MSH3: variants seen among roughly 807,000 people sequenced by gnomAD.
MSH3 encodes the protein DNA mismatch repair protein Msh3.
Under a neutral mutation model 123.3 loss-of-function variants are expected in MSH3, and 106 were observed. The ratio of observed to expected loss-of-function variants is 0.86; its 90% CI spans 0.73 to 1.01. The LOEUF (loss-of-function observed/expected upper bound fraction) is 1.01, where lower values mean the gene tolerates loss of function less well. Among genes scored for constraint, MSH3 ranks in the 50% least tolerant of loss-of-function variants. The pLI is 0.00. For synonymous variants in MSH3, 515 were observed against 481.4 expected (o/e 1.07, Z -0.91); for missense variants, 1,459 against 1,347.6 (o/e 1.08, Z -1.29).
rs1028287532 is a variant in MSH3, at chr5:80,702,079, A to G, written c.1340+22986A>G. ...GTATCAATAATCAATATACATTAATATAAAATTTATTAATATAAATTGACT... is the reference window on the plus strand; with the variant it reads ...GTATCAATAATCAATATACATTAATGTAAAATTTATTAATATAAATTGACT... On this transcript the variant is annotated intron_variant, in intron 8 of 23. Transcript: ENST00000265081. Among the ~76,000 whole-genome samples, 3 of 152,158 alleles carry G rather than the reference A, an allele frequency of 2.0e-5. No individual in the cohort carries two copies. The East Asian group carries it at 5.8e-4, about 29-fold the overall frequency.
At chr5:80,870,306 T>G in intron 22 of MSH3, among the ~76,000 whole-genome samples, 1 of 152,078 alleles carries the variant, frequency 6.6e-6, no homozygotes, top group Non-Finnish European at 1.5e-5. Flanking sequence ...GAATGAATCT[T>G]GTTTAGAAAG....
intron 12 of MSH3, among the ~76,000 whole-genome samples, chr5:80,760,746 G>A (rs764343309): frequency 2.6e-5 from 4 of 152,216 alleles, no homozygotes; most frequent in Non-Finnish European, 4.4e-5. Flanking sequence ...CTGCTCCACT[G>A]TGGGCTCAGG....
At chr5:80,726,211 T>C (rs1267769676) in intron 9 of MSH3, among the ~76,000 whole-genome samples, 1 of 152,212 alleles carries the variant, frequency 6.6e-6, no homozygotes, top group Non-Finnish European at 1.5e-5. Flanking sequence ...GGGTCCATTT[T>C]GTGGATGGTG....
Position 80,875,970 on chromosome 5 carries a change from A to G in MSH3, c.*108A>G, listed in dbSNP as rs1746302556. 4.1e-6 allele frequency: 3 copies of G among 738,702 alleles called. No individual in the cohort carries two copies. The East Asian group carries it at 8.0e-5, about 20-fold the overall frequency. 45.8% of individuals were successfully genotyped at this position (738,702 alleles called of 1,614,324 possible). ...TTGTGTGACATGTGAGCATAAAATT[A>G]TGACCATGGTATATTCCTATTGGAA... On this transcript the variant is annotated 3_prime_UTR_variant, in exon 24 of 24. Transcript: ENST00000265081.
At chr5:80,722,941 C>G (rs1198768949) in intron 8 of MSH3, among the ~76,000 whole-genome samples, 1 of 151,970 alleles carries the variant, frequency 6.6e-6, no homozygotes, top group Non-Finnish European at 1.5e-5. Flanking sequence ...CCTGTATCTA[C>G]TAAAAATACA....
rs1398195482 is a variant in MSH3 at position 80,725,540 on chromosome 5, T to C, written c.1428T>C (p.Tyr476=). 6.2e-7 allele frequency: 1 copy of C among 1,613,578 alleles called. No individual in the cohort carries two copies. Among genetic ancestry groups the C allele is most frequent in the Non-Finnish European group, 8.5e-7 (1 of 1,179,502 alleles). The change falls in exon 9 of 24, where the codon TAT becomes TAC. Residue 476 remains tyrosine, a synonymous_variant. Transcript: ENST00000265081. The stretch of plus-strand genomic sequence containing the variant: ...CTTTCCAGGCAGTTACAGAGTTTTA[T>C]GCAAAAGATACAGTTGACATCAAAG... The part of the protein sequence containing the change: ...SHAFQAVTEF[Y]AKDTVDIKGS...
intron 20 of MSH3, among the ~76,000 whole-genome samples, chr5:80,845,316 C>T (rs1049804586): frequency 3.9e-5 from 6 of 152,336 alleles, no homozygotes; most frequent in South Asian, 2.1e-4. Context: ...GGACCTTTCT[C>T]TCTGACTGCC....
intron 8 of MSH3, among the ~76,000 whole-genome samples, chr5:80,695,149 C>T (rs1750448141): frequency 7.3e-6 from 1 of 136,316 alleles, no homozygotes; most frequent in Non-Finnish European, 1.6e-5. Flanking sequence ...AATGTTAGAT[C>T]TTTTGTTATA....
At chr5:80,826,487 T>G (rs1440492459) in intron 20 of MSH3, among the ~76,000 whole-genome samples, 1 of 152,004 alleles carries the variant, frequency 6.6e-6, no homozygotes, top group Non-Finnish European at 1.5e-5. Context: ...CTATGTGCTA[T>G]ACAGTGTGCA....
At chr5:80,723,327 G>A (rs1185660128) in intron 8 of MSH3, among the ~76,000 whole-genome samples, 1 of 151,988 alleles carries the variant, frequency 6.6e-6, no homozygotes, top group Non-Finnish European at 1.5e-5. Flanking sequence ...AAGACCAGTG[G>A]AACAGCATGG....
rs1749908952 is a variant in MSH3, at chr5:80,679,089, G to C, written c.1336G>C (p.Val446Leu). 6.2e-7 allele frequency: 1 copy of C among 1,613,952 alleles called. No homozygotes were observed. The highest frequency in any genetic ancestry group is 1.3e-5 in the African/African-American group (1 of 75,036). The change falls in exon 8 of 24, where the codon GTT (valine) becomes CTT (leucine). Residue 446 changes from valine to leucine, a missense_variant. By Grantham distance (32) the Val-to-Leu change is conservative (BLOSUM62 1). Coordinates refer to ENST00000265081, the MANE Select transcript of MSH3 (RefSeq NM_002439.5). ...TEALIHRATS[V>L]SVQDDRIRVE... ...GGCGCTCATCCACAGAGCCACATCT[G>C]TTAGGTAAGTTGGCACATCACTGGA...
chr5:80,729,152 A>G (rs1239851291), intron 10 of MSH3, among the ~76,000 whole-genome samples, 187 bp downstream of exon 10: 3 of 152,150 alleles, frequency 2.0e-5, no homozygotes, highest in Non-Finnish European at 4.4e-5. Context: ...ACGGTGGCTC[A>G]TGCCTGTAAT....
intron 8 of MSH3, among the ~76,000 whole-genome samples, chr5:80,721,822 T>C (rs911970013): frequency 1.3e-5 from 2 of 152,200 alleles, no homozygotes; most frequent in African/African-American, 4.8e-5. Context: ...TGTGTTACAT[T>C]GATAAAATGA....
At chr5:80,727,677 A>G (rs1743326461) in intron 9 of MSH3, among the ~76,000 whole-genome samples, 3 of 152,242 alleles carry the variant, frequency 2.0e-5, no homozygotes, top group South Asian at 2.1e-4. Flanking sequence ...TGCCTATTAT[A>G]TGCCAGGCAT....
chr5:80,833,959 A>G (rs1745463685), intron 20 of MSH3, among the ~76,000 whole-genome samples: 1 of 152,208 alleles, frequency 6.6e-6, no homozygotes, highest in African/African-American at 2.4e-5. Flanking sequence ...TTTTCTAGTA[A>G]TCAAGCTAGA....
In MSH3 at chr5:80,823,357, A is replaced by C. The variant is rs1375057043; in HGVS notation, c.2813+9616A>C. Among the ~76,000 whole-genome samples the C allele has an allele frequency of 2.0e-5, 3 of 152,310 alleles. No homozygotes were observed. The East Asian group carries it at 5.8e-4, about 29-fold the overall frequency. The stretch of plus-strand genomic sequence containing the variant: ...GAAATGCTTACATGGTCACTGTCTG[A>C]CAACTCTTTTTTTCTGGGGCAAATA... On this transcript the variant is annotated intron_variant, in intron 20 of 23. Coordinates refer to ENST00000265081, the MANE Select transcript of MSH3 (RefSeq NM_002439.5).
intron 20 of MSH3, among the ~76,000 whole-genome samples, chr5:80,843,773 C>T (rs1242749969): frequency 3.3e-5 from 5 of 151,864 alleles, no homozygotes; most frequent in Non-Finnish European, 7.4e-5. Context: ...TTTTTTATTG[C>T]GTCTATCTGA....
intron 8 of MSH3, among the ~76,000 whole-genome samples, chr5:80,721,477 A>C (rs538742943): frequency 6.6e-6 from 1 of 152,156 alleles, no homozygotes; most frequent in East Asian, 1.9e-4. Context: ...AAAATGTCCT[A>C]CTGTGCTTTC....
chr5:80,725,335 G>A, intron 8 of MSH3, 118 bp from the exon 9 acceptor site: 1 of 689,578 alleles, frequency 1.5e-6, no homozygotes, highest in Non-Finnish European at 2.5e-6. Flanking sequence ...TCTTCAACTT[G>A]GGAAAGAATA....
Sources: allele counts gnomAD v4.1 joint callset (sites outside exome capture counted in the v4.1 genomes callset), GRCh38; gene constraint gnomAD v4.1.1; transcripts MANE v1.5; gene names NCBI Gene and HGNC (gene_info 2026-07-23, HGNC 2026-07-21).